Variants in PRDM10 observed in about 807,000 individuals in gnomAD.
PRDM10 encodes the protein PR/SET domain 10.
A neutral mutation model predicts 133.1 loss-of-function variants in PRDM10; 65 were observed. That is an observed-to-expected ratio of 0.49 (90% CI 0.40 to 0.60). The LOEUF is 0.60. Ranked by LOEUF, PRDM10 falls within the 20% of genes least tolerant of loss-of-function variation. PRDM10 has a pLI of 0.00. For synonymous variants in PRDM10, 582 were observed against 580.4 expected (o/e 1.00, Z -0.04); for missense variants, 1,137 against 1,507.1 (o/e 0.75, Z 4.07).
chr11:129,915,147 T>A, intron 16 of PRDM10, 129 bp from the exon 17 acceptor site: 1 of 909,602 alleles, frequency 1.1e-6, no homozygotes, highest in Non-Finnish European at 1.6e-6. Flanking sequence ...AGAGCAACAC[T>A]GACTCTATGC....
In PRDM10 at chr11:129,902,179, A is replaced by G. The variant is rs1288347197; in HGVS notation, c.*134T>C. ...TGGCAAAATAAACCCCAGTGTATGG[A>G]TGAGAGACAAAACTGTGGTTTCCGA... On this transcript the variant is annotated 3_prime_UTR_variant, in exon 21 of 21. Coordinates refer to ENST00000360871, the MANE Select transcript of PRDM10 (RefSeq NM_199437.2). 1.6e-6 allele frequency: 2 copies of G among 1,271,356 alleles called. No homozygotes were observed. Among genetic ancestry groups the G allele is most frequent in the Non-Finnish European group, 2.1e-6 (2 of 932,092 alleles). The allele number at this position is 1,271,356 out of a possible 1,614,324, so 78.8% of individuals were successfully genotyped here.
At chr11:129,940,004 A>G (rs949157093) in intron 7 of PRDM10, among the ~76,000 whole-genome samples, 20 of 152,240 alleles carry the variant, frequency 1.3e-4, no homozygotes, top group African/African-American at 4.3e-4. Context: ...ATGGCACAGA[A>G]GATGACAGCA....
chr11:129,982,590 T>G (rs1362964947), intron 1 of PRDM10, among the ~76,000 whole-genome samples: 1 of 152,206 alleles, frequency 6.6e-6, no homozygotes, highest in Non-Finnish European at 1.5e-5. Flanking sequence ...ACTTTACATC[T>G]TTATAACTTT....
At chr11:129,903,132 T>A (rs1490514189) in intron 20 of PRDM10, among the ~76,000 whole-genome samples, 1 of 151,846 alleles carries the variant, frequency 6.6e-6, no homozygotes, top group Non-Finnish European at 1.5e-5. Flanking sequence ...CCGTCTCTAC[T>A]AAACATACAA....
chr11:129,928,400 G>A lies in PRDM10; in HGVS notation c.1530+2616C>T, dbSNP rs570773556. On this transcript the variant is annotated intron_variant, in intron 11 of 20. Transcript: ENST00000360871. ...GTTTGTTGATTTGGGGTTTTGGGGG[G>A]GTTTTTTGAGACATGGTCTCACTCC... is the stretch of plus-strand genomic sequence containing the variant. 4.6e-5 allele frequency among the ~76,000 whole-genome samples: 7 copies of A among 151,848 alleles called. No individual in the cohort carries two copies. In the South Asian group the frequency reaches 1.5e-3, roughly 32 times the overall value.
intron 1 of PRDM10, among the ~76,000 whole-genome samples, chr11:129,961,408 G>A (rs190711792): frequency 1.2e-4 from 18 of 152,108 alleles, no homozygotes; most frequent in Middle Eastern, 3.4e-3. Context: ...AGGTTTAAGC[G>A]ATTCTCCTGC....
In PRDM10 at chr11:129,957,896, C is replaced by A; in HGVS notation, c.84G>T (p.Pro28=). Reference sequence around the variant, plus strand: ...CAATCTGAGCCACTGTTCCTGTGTCCGGAACAAAGTGCACCTGGCATAAAC... The same window carrying A: ...CAATCTGAGCCACTGTTCCTGTGTCAGGAACAAAGTGCACCTGGCATAAAC... ...EQNAAQVHFV[P]DTGTVAQIVY... The change falls in exon 3 of 21, where the codon CCG becomes CCT. Residue 28 remains proline, a synonymous_variant. Transcript: ENST00000360871. 18 of 1,611,520 alleles carry A rather than the reference C, an allele frequency of 1.1e-5. No homozygotes were observed. The highest frequency in any genetic ancestry group is 1.4e-5 in the Non-Finnish European group (17 of 1,178,636).
intron 1 of PRDM10, among the ~76,000 whole-genome samples, chr11:129,971,324 T>C (rs1471238485): frequency 6.6e-6 from 1 of 152,194 alleles, no homozygotes; most frequent in African/African-American, 2.4e-5. Flanking sequence ...ATCCTGCTGA[T>C]TGGTAGAGCC....
chr11:129,967,292 G>A (rs1418838566), intron 1 of PRDM10, among the ~76,000 whole-genome samples: 1 of 152,134 alleles, frequency 6.6e-6, no homozygotes, highest in Non-Finnish European at 1.5e-5. Flanking sequence ...TCAGGAGGCT[G>A]AGGCAGGAGA....
In PRDM10 at chr11:129,942,644, A is replaced by G; in HGVS notation, c.763-15T>C. 5 of 1,595,834 alleles carry G rather than the reference A, an allele frequency of 3.1e-6. No homozygotes were observed. Among genetic ancestry groups the G allele is most frequent in the Non-Finnish European group, 4.3e-6 (5 of 1,170,606 alleles). On this transcript the variant is annotated splice_polypyrimidine_tract_variant and intron_variant, in intron 6 of 20. Coordinates refer to ENST00000360871, the MANE Select transcript of PRDM10 (RefSeq NM_199437.2). ...TCAAGAGAAACCTGCACGAAAAAAAAGCCACACCAAAAACAAAACAAAACC... is the reference window on the plus strand; with the variant it reads ...TCAAGAGAAACCTGCACGAAAAAAAGGCCACACCAAAAACAAAACAAAACC...
chr11:129,996,672 G>GA (rs1195084735), intron 1 of PRDM10, among the ~76,000 whole-genome samples: 3 of 152,172 alleles, frequency 2.0e-5, no homozygotes, highest in African/African-American at 7.2e-5. Flanking sequence ...CAGAGAGGAA[G>GA]AAACATTCCA....
Position 129,944,980 on chromosome 11 carries a change from C to T in PRDM10, c.553G>A (p.Val185Met). ...CEECNNAHAS[V>M]CPKHGPLHPI... is the part of the protein sequence containing the mutation. Reference sequence around the variant, plus strand: ...TGCAAGGGGCCGTGCTTCGGACACACTGAAGCATGCGCGTTATTGCACTCC... The same window carrying T: ...TGCAAGGGGCCGTGCTTCGGACACATTGAAGCATGCGCGTTATTGCACTCC... The change falls in exon 6 of 21, where the codon GTG becomes ATG. Residue 185 changes from valine to methionine, a missense_variant. Coordinates refer to ENST00000360871, the MANE Select transcript of PRDM10 (RefSeq NM_199437.2). 1.2e-6 allele frequency: 2 copies of T among 1,612,766 alleles called. No homozygotes were observed. The highest frequency in any genetic ancestry group is 1.7e-5 in the Admixed American group (1 of 59,294).
chr11:129,919,040 C>T (rs944217989), intron 13 of PRDM10, among the ~76,000 whole-genome samples: 2 of 152,166 alleles, frequency 1.3e-5, no homozygotes, highest in Admixed American at 1.3e-4. Context: ...CATAAAAGAA[C>T]TTCAGACAAA....
Position 129,918,562 on chromosome 11 carries a change from C to T in PRDM10, c.2191G>A (p.Gly731Ser). 1 of 1,614,004 alleles carries T rather than the reference C, an allele frequency of 6.2e-7. No individual in the cohort carries two copies. The highest frequency in any genetic ancestry group is 8.5e-7 in the Non-Finnish European group (1 of 1,179,954). The part of the protein sequence containing the change: ...FTFKCRLCMM[G>S]FRRRGMLVNH... ...ACCAGCATGCCGCGCCGCCGGAAGCCCATCATGCACAGGCGGCACTTGAAC... is the reference window on the plus strand; with the variant it reads ...ACCAGCATGCCGCGCCGCCGGAAGCTCATCATGCACAGGCGGCACTTGAAC... The change falls in exon 14 of 21, where the codon GGC becomes AGC. Residue 731 changes from glycine (G) to serine (S), a missense_variant. Transcript: ENST00000360871. The surrounding 1 kb of genome is among the most constrained non-coding windows in gnomAD (Gnocchi z 5.3).
intron 6 of PRDM10, among the ~76,000 whole-genome samples, chr11:129,943,672 CA>C (rs1272903030): frequency 6.6e-6 from 1 of 152,072 alleles, no homozygotes; most frequent in Non-Finnish European, 1.5e-5. Context: ...TCAACCTGGG[CA>C]ACATGGCAAG....
At chr11:129,998,396 A>G (rs1939172486) in intron 1 of PRDM10, among the ~76,000 whole-genome samples, 1 of 152,142 alleles carries the variant, frequency 6.6e-6, no homozygotes, top group Non-Finnish European at 1.5e-5. Flanking sequence ...GGGGGGGAGG[A>G]GGAGGAGCAT....
chr11:129,916,448 G>T (rs1950360143), intron 15 of PRDM10, among the ~76,000 whole-genome samples: 1 of 152,200 alleles, frequency 6.6e-6, no homozygotes, highest in Non-Finnish European at 1.5e-5. Context: ...GATCATCCTG[G>T]CCAACATGGT....
At chr11:129,996,027 C>T (rs975266246) in intron 1 of PRDM10, among the ~76,000 whole-genome samples, 3 of 152,188 alleles carry the variant, frequency 2.0e-5, no homozygotes, top group African/African-American at 7.2e-5. Flanking sequence ...AATTCACTCA[C>T]TTATCCCTCA....
intron 2 of PRDM10, 75 bp downstream of exon 2, chr11:129,960,820 TG>T: frequency 6.9e-7 from 1 of 1,452,616 alleles, no homozygotes; most frequent in Non-Finnish European, 9.6e-7. Flanking sequence ...AGATAGCAGC[TG>T]TATTTCTTTG....
Sources: gnomAD v4.1 joint callset for allele counts (sites outside exome capture counted in the v4.1 genomes callset) on GRCh38, gnomAD v4.1.1 for gene constraint, Gnocchi (gnomAD v3.1) non-coding constraint, MANE v1.5 for transcripts, NCBI Gene and HGNC (gene_info 2026-07-23, HGNC 2026-07-21) for gene names.